The following PDE1A variants were observed in gnomAD, a reference collection of about 807,000 sequenced individuals.
PDE1A encodes the protein dual specificity calcium/calmodulin-dependent 3',5'-cyclic nucleotide phosphodiesterase 1A.
A neutral mutation model predicts 61.7 loss-of-function variants in PDE1A; 35 were observed. That is an observed-to-expected ratio of 0.57 (90% CI 0.43 to 0.75). The LOEUF (loss-of-function observed/expected upper bound fraction) is 0.75, where lower values mean the gene tolerates loss of function less well. Ranked by LOEUF, PDE1A falls within the 30% of genes least tolerant of loss-of-function variation. PDE1A has a pLI of 0.00. For missense variants in PDE1A, 597 were observed against 630.6 expected, an observed-to-expected ratio of 0.95 and a Z score of 0.57; for synonymous variants, 232 against 213.2, an observed-to-expected ratio of 1.09 and a Z score of -0.77.
At chr2:182,192,865 A>G (rs1441983866) in intron 10 of PDE1A, among the ~76,000 whole-genome samples, 1 of 152,122 alleles carries the variant, frequency 6.6e-6, no homozygotes, top group Non-Finnish European at 1.5e-5. Flanking sequence ...TACCATTGTA[A>G]AGTGCTCTGA....
the PDE1A span, among the ~76,000 whole-genome samples, chr2:182,670,260 T>C: frequency 1.3e-5 from 2 of 152,232 alleles, no homozygotes; most frequent in Non-Finnish European, 2.9e-5. Context: ...AGGTCTTCAG[T>C]TGTTCCCACC....
chr2:182,252,473 C>G (rs1014274262), intron 2 of PDE1A, among the ~76,000 whole-genome samples: 29 of 152,044 alleles, frequency 1.9e-4, no homozygotes, highest in Admixed American at 2.6e-4. Context: ...AAGAGAGACC[C>G]AGGAAAAGAT....
At chr2:182,538,036 T>C in the PDE1A span, among the ~76,000 whole-genome samples, 3 of 152,166 alleles carry the variant, frequency 2.0e-5, no homozygotes, top group Non-Finnish European at 2.9e-5. Flanking sequence ...TCCCACTGAT[T>C]TGGTCCAGCC....
At chr2:182,679,182 A>ATTTTTTT in the PDE1A span, among the ~76,000 whole-genome samples, 1 of 141,044 alleles carries the variant, frequency 7.1e-6, no homozygotes, top group African/African-American at 2.8e-5. Flanking sequence ...TATTATTATT[A>ATTTTTTT]TTATTATTAT....
chr2:182,212,637 G>A (rs1385015724), intron 7 of PDE1A, among the ~76,000 whole-genome samples: 1 of 152,224 alleles, frequency 6.6e-6, no homozygotes, highest in Non-Finnish European at 1.5e-5. Flanking sequence ...CCCTTTCCGA[G>A]TCAAAGAAAG....
chr2:182,366,006 G>T (rs1417223125), intron 1 of PDE1A, among the ~76,000 whole-genome samples: 3 of 152,010 alleles, frequency 2.0e-5, no homozygotes, highest in Non-Finnish European at 4.4e-5. Context: ...TTTGCCTCCT[G>T]AGTACTAAGA....
chr2:182,332,374 T>C (rs894481237), intron 1 of PDE1A, among the ~76,000 whole-genome samples: 14 of 152,176 alleles, frequency 9.2e-5, no homozygotes, highest in Non-Finnish European at 2.1e-4. Flanking sequence ...ACTCATTCTC[T>C]GTCCAGTTTT....
At chr2:182,440,808 CTCT>C (rs1684740626) in intron 2 of PDE1A, among the ~76,000 whole-genome samples, 1 of 146,024 alleles carries the variant, frequency 6.8e-6, no homozygotes, top group African/African-American at 2.5e-5. Context: ...TGCTTTATTT[CTCT>C]TCTTTTCTGT....
At chr2:182,679,270 G>A in the PDE1A span, among the ~76,000 whole-genome samples, 2 of 149,992 alleles carry the variant, frequency 1.3e-5, no homozygotes, top group Non-Finnish European at 3.0e-5. Flanking sequence ...TGCAAGCTCC[G>A]CCTCCCGGGT....
At chr2:182,337,304 C>A (rs1352362535) in intron 1 of PDE1A, among the ~76,000 whole-genome samples, 1 of 152,114 alleles carries the variant, frequency 6.6e-6, no homozygotes, top group African/African-American at 2.4e-5. Flanking sequence ...AAATATCCTA[C>A]ATGTTAAGAG....
intron 2 of PDE1A, among the ~76,000 whole-genome samples, chr2:182,252,616 C>G (rs530841719): frequency 2.0e-5 from 3 of 152,328 alleles, no homozygotes; most frequent in South Asian, 2.1e-4. Context: ...AGAAGGAACA[C>G]TGGATCCTGC....
chr2:182,643,116 G>A, the PDE1A span, among the ~76,000 whole-genome samples: 3 of 152,160 alleles, frequency 2.0e-5, no homozygotes, highest in African/African-American at 7.2e-5. Flanking sequence ...CAGGCCCAAA[G>A]ACAACTACTG....
the PDE1A span, among the ~76,000 whole-genome samples, chr2:182,578,009 G>A: frequency 2.0e-5 from 3 of 151,354 alleles, no homozygotes; most frequent in Non-Finnish European, 2.9e-5. Flanking sequence ...AGGGAGGGAG[G>A]GGAAAGAGCA....
At chr2:182,229,732 T>C (rs1689421475) in intron 6 of PDE1A, among the ~76,000 whole-genome samples, 1 of 151,404 alleles carries the variant, frequency 6.6e-6, no homozygotes, top group South Asian at 2.1e-4. Context: ...TCCTGCAGAA[T>C]AAAGGAATTT....
At chr2:182,525,127 A>G (rs1574857256), upstream of PDE1A, among the ~76,000 whole-genome samples, 2 of 152,274 alleles carry the variant, frequency 1.3e-5, no homozygotes, top group East Asian at 3.9e-4. Flanking sequence ...ATCTCCTCAT[A>G]GTGTTCATGC....
chr2:182,495,122 C>T (rs913484503), intron 2 of PDE1A, among the ~76,000 whole-genome samples: 7 of 152,096 alleles, frequency 4.6e-5, no homozygotes, highest in East Asian at 1.9e-4. Flanking sequence ...TGCACGTGGC[C>T]GGCAGAGGGA....
downstream of PDE1A, among the ~76,000 whole-genome samples, chr2:182,164,120 G>C (rs911630623): frequency 6.6e-5 from 10 of 152,170 alleles, no homozygotes; most frequent in African/African-American, 2.2e-4. Flanking sequence ...GGCCCATTAA[G>C]CCATAAAGTT....
rs201224430 is a variant in PDE1A at position 182,168,307 on chromosome 2, C to T, written c.1517-17G>A. 4.8e-5 allele frequency: 72 copies of T among 1,488,298 alleles called. No individual in the cohort carries two copies. In the South Asian group the frequency reaches 8.7e-4, roughly 18 times the overall value. The allele number at this position is 1,488,298 out of a possible 1,614,324, so 92.2% of individuals were successfully genotyped here. A position where few individuals can be genotyped will look rare whatever the true frequency, so the allele number is the denominator to read the frequency against. ...TTCTTGCTTCTGAAAAAAAAAAAAG[C>T]GTACTTATTTTAATAATTTAGAGAA... is the stretch of plus-strand genomic sequence containing the variant. On this transcript the variant is annotated splice_polypyrimidine_tract_variant and intron_variant, in intron 13 of 13. Transcript: ENST00000351439.
intron 2 of PDE1A, among the ~76,000 whole-genome samples, chr2:182,506,673 A>C (rs948329308): frequency 6.6e-6 from 1 of 152,212 alleles, no homozygotes; most frequent in Non-Finnish European, 1.5e-5. Flanking sequence ...TAACAGAAGA[A>C]ATATGTAGGT....
Sources: gnomAD v4.1 joint callset for allele counts (sites outside exome capture counted in the v4.1 genomes callset) on GRCh38, gnomAD v4.1.1 for gene constraint, MANE v1.5 for transcripts, NCBI Gene and HGNC (gene_info 2026-07-23, HGNC 2026-07-21) for gene names.